The following PDE11A variants were observed in gnomAD, a reference collection of about 807,000 sequenced individuals.
The protein encoded by PDE11A is phosphodiesterase 11A.
Under a neutral mutation model 100.5 loss-of-function variants are expected in PDE11A, and 100 were observed. The observed-to-expected ratio is 1.00, with a 90% CI of 0.85 to 1.18. The LOEUF (loss-of-function observed/expected upper bound fraction) is 1.18. Ranked by LOEUF, PDE11A falls within the 50% of genes most tolerant of loss-of-function variation. The pLI is 0.00. For missense variants in PDE11A, 1,141 were observed against 1,152.6 expected (o/e 0.99, Z 0.15); for synonymous variants, 381 against 420.8 (o/e 0.91, Z 1.16).
chr2:177,817,736 A>C, intron 8 of PDE11A, 122 bp downstream of exon 8: 1 of 654,866 alleles, frequency 1.5e-6, no homozygotes, highest in South Asian at 1.7e-5. Flanking sequence ...CTTCCTGTTA[A>C]TTTTGCCCTC....
rs576575088 is a variant in PDE11A at position 177,934,434 on chromosome 2, G to A, written c.1072-29247C>T. Among the ~76,000 whole-genome samples, 49 of 152,210 alleles carry A rather than the reference G, an allele frequency of 3.2e-4. No homozygotes were observed. The South Asian group carries it at 8.3e-3, about 26-fold the overall frequency. ...GAAATGCAAATCAAAACCACAATGA[G>A]ATACCATCTCACAGCAGTCAAAATG... On this transcript the variant is annotated intron_variant, in intron 2 of 19. Transcript: ENST00000286063.
intron 2 of PDE11A, among the ~76,000 whole-genome samples, chr2:178,080,459 T>C (rs1259936190): frequency 1.3e-5 from 2 of 152,208 alleles, no homozygotes; most frequent in African/African-American, 4.8e-5. Flanking sequence ...TGGTTGTAGG[T>C]GTGCAGTCTT....
chr2:177,807,116 T>G (rs1395731203), intron 9 of PDE11A, among the ~76,000 whole-genome samples: 3 of 152,032 alleles, frequency 2.0e-5, no homozygotes, highest in African/African-American at 7.2e-5. Flanking sequence ...TTTATGTACA[T>G]CATAGTCAAA....
At chr2:177,903,024 T>C (rs948381619) in intron 3 of PDE11A, among the ~76,000 whole-genome samples, 4 of 152,186 alleles carry the variant, frequency 2.6e-5, no homozygotes, top group African/African-American at 9.6e-5. Context: ...TGGCTTTCCA[T>C]TGCACTCAGA....
intron 2 of PDE11A, among the ~76,000 whole-genome samples, chr2:177,944,822 C>CTCTCCCTCTCCCTCTCCG (rs1559017814): frequency 4.1e-4 from 53 of 128,806 alleles, no homozygotes; most frequent in East Asian, 1.4e-3. Flanking sequence ...CTCCCTCTCC[C>CTCTCCCTCTCCCTCTCCG]TCTCCCTCTC....
At chr2:177,854,657 T>C (rs1194217567) in intron 5 of PDE11A, among the ~76,000 whole-genome samples, 1 of 152,106 alleles carries the variant, frequency 6.6e-6, no homozygotes, top group Admixed American at 6.6e-5. Context: ...ACTCCGCATA[T>C]TTTTTAGCGA....
intron 2 of PDE11A, among the ~76,000 whole-genome samples, chr2:178,079,172 G>A (rs899762757): frequency 6.6e-6 from 1 of 152,138 alleles, no homozygotes; most frequent in Non-Finnish European, 1.5e-5. Context: ...TTAAGTTCTG[G>A]GGCACATGTG....
chr2:177,765,019 T>C (rs1209304421), intron 10 of PDE11A, among the ~76,000 whole-genome samples: 1 of 152,234 alleles, frequency 6.6e-6, no homozygotes, highest in Non-Finnish European at 1.5e-5. Context: ...AGTAATTATA[T>C]GTTGTTTTAT....
chr2:177,711,154 T>C (rs1254250965), intron 13 of PDE11A, among the ~76,000 whole-genome samples: 1 of 152,238 alleles, frequency 6.6e-6, no homozygotes, highest in African/African-American at 2.4e-5. Flanking sequence ...GAAAACCTGC[T>C]TAGGGACAGA....
At chr2:178,047,702 C>T (rs1364010158) in intron 1 of PDE11A, among the ~76,000 whole-genome samples, 1 of 152,112 alleles carries the variant, frequency 6.6e-6, no homozygotes, top group Admixed American at 6.5e-5. Context: ...TAACCTGCTA[C>T]AAAGCTAGTA....
At chr2:177,675,669 TCC>T in intron 16 of PDE11A, 151 bp from the exon 17 acceptor site, 1 of 717,854 alleles carries the variant, frequency 1.4e-6, no homozygotes, top group Non-Finnish European at 2.6e-6. Flanking sequence ...CTGTTTATAG[TCC>T]CTGTGTTCAG....
intron 1 of PDE11A, among the ~76,000 whole-genome samples, chr2:178,039,284 A>T (rs1439284181): frequency 6.6e-6 from 1 of 152,208 alleles, no homozygotes; most frequent in East Asian, 1.9e-4. Flanking sequence ...AAAAACAGAA[A>T]ACCAAATACT....
At chr2:178,105,025 C>T (rs2087601927) in intron 1 of PDE11A, among the ~76,000 whole-genome samples, 1 of 152,140 alleles carries the variant, frequency 6.6e-6, no homozygotes, top group Non-Finnish European at 1.5e-5. Context: ...CATAATTTCT[C>T]ATTTACTTTA....
chr2:177,765,089 C>G (rs1270656584), intron 10 of PDE11A, among the ~76,000 whole-genome samples: 1 of 152,162 alleles, frequency 6.6e-6, no homozygotes, highest in Non-Finnish European at 1.5e-5. Context: ...CACTCTAATC[C>G]CATTCTCCCA....
chr2:177,963,287 C>T (rs1431538364), intron 2 of PDE11A, among the ~76,000 whole-genome samples: 1 of 152,054 alleles, frequency 6.6e-6, no homozygotes, highest in Non-Finnish European at 1.5e-5. Flanking sequence ...TATACGGATT[C>T]CAGAGGAAAC....
At chr2:177,654,263 T>C (rs1233024083) in intron 19 of PDE11A, among the ~76,000 whole-genome samples, 2 of 152,216 alleles carry the variant, frequency 1.3e-5, no homozygotes, top group African/African-American at 2.4e-5. Flanking sequence ...CTCATGCCTG[T>C]AATCCCAGCA....
chr2:177,868,367 T>C (rs1438264774), intron 5 of PDE11A, among the ~76,000 whole-genome samples: 1 of 152,168 alleles, frequency 6.6e-6, no homozygotes, highest in Non-Finnish European at 1.5e-5. Context: ...AAAGCGGCTC[T>C]AGGGTCATAT....
At chr2:178,061,502 C>T (rs1301439766) in intron 1 of PDE11A, among the ~76,000 whole-genome samples, 1 of 152,126 alleles carries the variant, frequency 6.6e-6, no homozygotes, top group East Asian at 1.9e-4. Flanking sequence ...AATAAAGTCT[C>T]TTCCACTTAC....
Position 177,896,226 on chromosome 2 carries a change from A to G in PDE11A, c.1302+1832T>C, listed in dbSNP as rs16865909. On this transcript the variant is annotated intron_variant, in intron 4 of 19. Coordinates refer to ENST00000286063, the MANE Select transcript of PDE11A (RefSeq NM_016953.4). ...TTTTGATCACTCCTCTTCCTACTTT[A>G]TACCATGAAGATACTGCTGTTTCTA... 6.0e-3 allele frequency among the ~76,000 whole-genome samples: 920 copies of G among 152,256 alleles called. 9 individuals carry two copies. Among genetic ancestry groups the G allele is most frequent in the African/African-American group, 0.021 (852 of 41,552 alleles).
Sources: gnomAD v4.1 joint callset for allele counts (sites outside exome capture counted in the v4.1 genomes callset) on GRCh38, gnomAD v4.1.1 for gene constraint, MANE v1.5 for transcripts, NCBI Gene and HGNC (gene_info 2026-07-23, HGNC 2026-07-21) for gene names.